The following SLC45A2 variants were observed in gnomAD, a reference collection of about 807,000 sequenced individuals.
SLC45A2 encodes solute carrier family 45 member 2.
A neutral mutation model predicts 45.5 loss-of-function variants in SLC45A2; 36 were observed. The ratio of observed to expected loss-of-function variants is 0.79; its 90% CI spans 0.61 to 1.04. SLC45A2 has a LOEUF of 1.04. SLC45A2 is among the 50% of genes least tolerant of loss of function. The probability of loss-of-function intolerance (pLI) is 0.00; values close to 1 mark genes in which losing one functional copy is unlikely to be tolerated. For missense variants in SLC45A2, 719 were observed against 671.0 expected (o/e 1.07, Z -0.79); for synonymous variants, 306 against 269.3 (o/e 1.14, Z -1.33).
chr5:33,966,374 T>C (rs113676627), intron 2 of SLC45A2, among the ~76,000 whole-genome samples: 6 of 151,496 alleles, frequency 4.0e-5, no homozygotes, highest in African/African-American at 1.5e-4. Context: ...CCCATTTTTT[T>C]CCCCAGAAGG....
intron 3 of SLC45A2, among the ~76,000 whole-genome samples, chr5:33,961,309 C>G (rs1398214328): frequency 6.6e-6 from 1 of 152,148 alleles, no homozygotes; most frequent in Non-Finnish European, 1.5e-5. Context: ...TGATGGACCT[C>G]CATCATCCAC....
At chr5:33,979,374 C>G (rs1452587462) in intron 2 of SLC45A2, among the ~76,000 whole-genome samples, 1 of 152,132 alleles carries the variant, frequency 6.6e-6, no homozygotes, top group Non-Finnish European at 1.5e-5. Flanking sequence ...GTTGTGGCAA[C>G]CAAGGTTCTT....
At chr5:33,957,955 A>C (rs527370813) in intron 3 of SLC45A2, among the ~76,000 whole-genome samples, 1 of 152,366 alleles carries the variant, frequency 6.6e-6, no homozygotes, top group East Asian at 1.9e-4. Context: ...TGTATATTTT[A>C]ACTCAGAATA....
chr5:33,957,916 G>A (rs1017943385), intron 3 of SLC45A2, among the ~76,000 whole-genome samples: 3 of 152,174 alleles, frequency 2.0e-5, no homozygotes, highest in Admixed American at 6.5e-5. Flanking sequence ...TTCTGTAAAA[G>A]CTGAGAGTGT....
At chr5:33,969,053 C>G (rs2111977316) in intron 2 of SLC45A2, among the ~76,000 whole-genome samples, 1 of 97,866 alleles carries the variant, frequency 1.0e-5, no homozygotes, top group East Asian at 2.5e-4. Context: ...TACTCTCTCT[C>G]TCTCTCTCTC....
At chr5:33,970,916 G>A (rs1038405147) in intron 2 of SLC45A2, 1 of 395,808 alleles carries the variant, frequency 2.5e-6, no homozygotes, top group Non-Finnish European at 4.9e-6. Flanking sequence ...AGCTGCCAGA[G>A]TGCATGGAGA....
At chr5:33,954,227 G>T in intron 4 of SLC45A2, 134 bp downstream of exon 4, 1 of 1,279,774 alleles carries the variant, frequency 7.8e-7, no homozygotes, top group East Asian at 2.5e-5. Flanking sequence ...CTGTCTGTAA[G>T]TCAGCTTCTT....
chr5:33,945,099 A>G (rs1751883050), intron 6 of SLC45A2, among the ~76,000 whole-genome samples: 1 of 152,206 alleles, frequency 6.6e-6, no homozygotes, highest in South Asian at 2.1e-4. Flanking sequence ...TTAGCATTTG[A>G]TTTCATGTAA....
rs188368977 is a variant in SLC45A2, at chr5:33,963,677, T to C, written c.888+14A>G. The stretch of plus-strand genomic sequence containing the variant: ...AATATTTTCCCTTGTAAAGAAAAAA[T>C]GTTGCATCTTTACCTGTTCAGCATG... On this transcript the variant is annotated intron_variant, in intron 3 of 6. Transcript: ENST00000296589. 5.8e-5 allele frequency: 93 copies of C among 1,612,484 alleles called. No individual in the cohort carries two copies. The East Asian group carries it at 1.5e-3, about 26-fold the overall frequency.
intron 4 of SLC45A2, among the ~76,000 whole-genome samples, 195 bp from the exon 5 acceptor site, chr5:33,951,872 C>G (rs572698401): frequency 6.6e-6 from 1 of 152,278 alleles, no homozygotes; most frequent in Admixed American, 6.5e-5. Context: ...AAATCTAATG[C>G]TTGCTGCATC....
intron 2 of SLC45A2, among the ~76,000 whole-genome samples, chr5:33,977,329 T>G (rs141748892): frequency 6.6e-6 from 1 of 152,168 alleles, no homozygotes; most frequent in Non-Finnish European, 1.5e-5. Flanking sequence ...CAGGAGGAGA[T>G]GAAAATTCAG....
At chr5:33,950,643 G>T (rs1411050347) in intron 5 of SLC45A2, among the ~76,000 whole-genome samples, 8 of 152,318 alleles carry the variant, frequency 5.3e-5, no homozygotes, top group African/African-American at 1.9e-4. Flanking sequence ...CAGTGACAGA[G>T]TGAGTCCTCC....
At chr5:33,951,953 A>G (rs1752114184) in intron 4 of SLC45A2, among the ~76,000 whole-genome samples, 1 of 152,032 alleles carries the variant, frequency 6.6e-6, no homozygotes, top group African/African-American at 2.4e-5. Flanking sequence ...CACCTGACTT[A>G]GGAAATCCCA....
At chr5:33,946,337 CA>C in intron 6 of SLC45A2, 2 of 985,430 alleles carry the variant, frequency 2.0e-6, no homozygotes, top group Non-Finnish European at 2.4e-6. Context: ...AAAACATGGC[CA>C]GAATTATAGT....
rs114434098 is a variant in SLC45A2, at chr5:33,980,877, G to T, written c.562+1359C>A. 9.3e-3 allele frequency among the ~76,000 whole-genome samples: 1,416 copies of T among 152,340 alleles called. 15 individuals are homozygous for T. The highest frequency in any genetic ancestry group is 0.014 in the Admixed American group (222 of 15,312). ...AAGACCTCACTGATGAGAGATATCT[G>T]ATGAGAAATCTGAGTGGAATAAAGG... On this transcript the variant is annotated intron_variant, in intron 2 of 6. Transcript: ENST00000296589.
In SLC45A2 at chr5:33,973,601, G is replaced by A. The variant is rs552834651; in HGVS notation, c.562+8635C>T. On this transcript the variant is annotated intron_variant, in intron 2 of 6. Transcript: ENST00000296589. ...AGCCCTTAATTATTTGCTATTTAGAGCATTTGTTGCATGTTCGCATTTTTT... is the reference window on the plus strand; with the variant it reads ...AGCCCTTAATTATTTGCTATTTAGAACATTTGTTGCATGTTCGCATTTTTT... Among the ~76,000 whole-genome samples the A allele has an allele frequency of 7.2e-5, 11 of 152,220 alleles. No individual in the cohort carries two copies. The South Asian group carries it at 2.3e-3, about 32-fold the overall frequency.
intron 2 of SLC45A2, among the ~76,000 whole-genome samples, chr5:33,978,565 C>A (rs904594279): frequency 1.3e-5 from 2 of 152,184 alleles, no homozygotes; most frequent in Non-Finnish European, 2.9e-5. Context: ...TCAAGCATTT[C>A]TTTCTGTTGA....
rs144503724 is a variant in SLC45A2, at chr5:33,947,277, G to T, written c.1254C>A (p.Phe418Leu). ...FGLGTGFIGL[F>L]PNVYSTLVLC... is the part of the protein sequence containing the mutation. The stretch of plus-strand genomic sequence containing the variant: ...GGACCAGGGTGGAGTAGACATTCGG[G>T]AAGAGCCCAATAAATCCCGTCCCCA... The change falls in exon 6 of 7, where the codon TTC becomes TTA. Residue 418 changes from phenylalanine to leucine, a missense_variant. Coordinates refer to ENST00000296589, the MANE Select transcript of SLC45A2 (RefSeq NM_016180.5). The T allele has an allele frequency of 1.2e-6, 2 of 1,614,164 alleles. No homozygotes were observed. Among genetic ancestry groups the T allele is most frequent in the South Asian group, 2.2e-5 (2 of 91,084 alleles).
At chr5:33,981,381 A>G (rs1397265196) in intron 2 of SLC45A2, among the ~76,000 whole-genome samples, 1 of 152,192 alleles carries the variant, frequency 6.6e-6, no homozygotes, top group African/African-American at 2.4e-5. Flanking sequence ...TCATGGACCT[A>G]CCTGGCCATG....
Sources: allele counts gnomAD v4.1 joint callset (sites outside exome capture counted in the v4.1 genomes callset), GRCh38; gene constraint gnomAD v4.1.1; transcripts MANE v1.5; gene names NCBI Gene and HGNC (gene_info 2026-07-23, HGNC 2026-07-21).